The following HTR1F variants were observed in gnomAD, a reference collection of about 807,000 sequenced individuals.
The protein encoded by HTR1F is 5-hydroxytryptamine (serotonin) receptor 1F, G protein-coupled.
A neutral mutation model predicts 24.0 loss-of-function variants in HTR1F; 17 were observed. The observed-to-expected ratio is 0.71, with a 90% CI of 0.48 to 1.06. The LOEUF (loss-of-function observed/expected upper bound fraction) is 1.06. Among genes scored for constraint, HTR1F ranks in the 50% least tolerant of loss-of-function variants. HTR1F has a pLI of 0.00. For missense variants in HTR1F, 391 were observed against 427.8 expected, an observed-to-expected ratio of 0.91 and a Z score of 0.76; for synonymous variants, 186 against 156.8, an observed-to-expected ratio of 1.19 and a Z score of -1.39.
intron 2 of HTR1F, among the ~76,000 whole-genome samples, chr3:87,878,361 TA>T (rs1559615918): frequency 1.3e-5 from 2 of 151,822 alleles, no homozygotes; most frequent in African/African-American, 4.9e-5. Context: ...ACCCAGGAAG[TA>T]AATGCTAAAT....
rs185978165 is a variant in HTR1F at position 87,845,044 on chromosome 3, A to T, written c.-43+22920A>T. ...ACAAAATTCAACAACCTTTCATGCT[A>T]AAAACTCTCAATAAATTAGGTATTG... On this transcript the variant is annotated intron_variant, in intron 2 of 2. Transcript: ENST00000319595. 3.3e-4 allele frequency among the ~76,000 whole-genome samples: 50 copies of T among 151,908 alleles called. No homozygotes were observed. In the East Asian group the frequency reaches 8.9e-3, roughly 27 times the overall value.
At chr3:87,854,781 G>A (rs1175939542) in intron 2 of HTR1F, among the ~76,000 whole-genome samples, 1 of 151,994 alleles carries the variant, frequency 6.6e-6, no homozygotes, top group East Asian at 1.9e-4. Context: ...TTTGTGGTTC[G>A]AGACATTCTT....
At chr3:87,875,347 G>C (rs1227188033) in intron 2 of HTR1F, among the ~76,000 whole-genome samples, 3 of 151,990 alleles carry the variant, frequency 2.0e-5, no homozygotes, top group Non-Finnish European at 4.4e-5. Context: ...CTACTCAGAG[G>C]CTGAGGCAGC....
intron 2 of HTR1F, among the ~76,000 whole-genome samples, chr3:87,980,452 G>GTTTT (rs1332283917): frequency 6.6e-6 from 1 of 152,180 alleles, no homozygotes; most frequent in African/African-American, 2.4e-5. Flanking sequence ...ATGGGCTTCA[G>GTTTT]AAGGGAGGAA....
At position 87,988,735 on chromosome 3, in the gene HTR1F, A is replaced by AT. The variant is rs533969918; in HGVS notation, c.-42-1958dup. On this transcript the variant is annotated intron_variant, in intron 2 of 2. Transcript: ENST00000319595. Reference sequence around the variant, plus strand: ...AGGCGTGTGCCACCAAGCCCCAATAATTTTTTTTTTTTTTTGTATTTTTAG... The same window carrying AT: ...AGGCGTGTGCCACCAAGCCCCAATAATTTTTTTTTTTTTTTTGTATTTTTAG... Among the ~76,000 whole-genome samples the AT allele has an allele frequency of 5.2e-3, 743 of 142,068 alleles. 5 individuals carry two copies. Among genetic ancestry groups the AT allele is most frequent in the South Asian group, 0.02 (89 of 4,490 alleles). 93.2% of individuals were successfully genotyped at this position (142,068 alleles called of 152,430 possible). A position where few individuals can be genotyped will look rare whatever the true frequency, so the allele number is the denominator to read the frequency against.
chr3:87,955,921 AGATCTGTATAT>A (rs980917502), intron 2 of HTR1F, among the ~76,000 whole-genome samples: 2 of 151,466 alleles, frequency 1.3e-5, no homozygotes, highest in Admixed American at 6.6e-5. Flanking sequence ...AACTTATAAG[AGATCTGTATAT>A]GGTCTGGATA....
intron 2 of HTR1F, among the ~76,000 whole-genome samples, chr3:87,872,603 G>A (rs879725001): frequency 6.6e-6 from 1 of 151,804 alleles, no homozygotes; most frequent in African/African-American, 2.4e-5. Flanking sequence ...AAAAATGAAA[G>A]AGGAGACACT....
In HTR1F at chr3:87,827,671, A is replaced by G. The variant is rs183813389; in HGVS notation, c.-43+5547A>G. 3.3e-5 allele frequency among the ~76,000 whole-genome samples: 5 copies of G among 152,368 alleles called. No individual in the cohort carries two copies. The East Asian group carries it at 5.8e-4, about 18-fold the overall frequency. ...TTGTAAATAAATGAATTGGAAAGCA[A>G]TGAAGCAAAATTTAACAACCTTCAA... On this transcript the variant is annotated intron_variant, in intron 2 of 2. Transcript: ENST00000319595.
At chr3:87,894,012 CT>C (rs112398757) in intron 2 of HTR1F, among the ~76,000 whole-genome samples, 14 of 147,702 alleles carry the variant, frequency 9.5e-5, no homozygotes, top group Admixed American at 2.0e-4. Flanking sequence ...TTTTATTTTT[CT>C]TTTTTTTTTA....
chr3:87,844,876 C>G (rs1299910671), intron 2 of HTR1F, among the ~76,000 whole-genome samples: 7 of 151,296 alleles, frequency 4.6e-5, no homozygotes, highest in South Asian at 4.2e-4. Context: ...CTGTTCTGTT[C>G]CATTGATCTA....
rs868691003 is a variant in HTR1F, at chr3:87,844,725, C to T, written c.-43+22601C>T. The stretch of plus-strand genomic sequence containing the variant: ...TTTGTATAAGGTGTAAGGAAGGGAT[C>T]CAGTTTCAGCTTTCTACATATGGCT... On this transcript the variant is annotated intron_variant, in intron 2 of 2. Coordinates refer to ENST00000319595, the MANE Select transcript of HTR1F (RefSeq NM_001322209.2). Among the ~76,000 whole-genome samples the T allele has an allele frequency of 8.3e-4, 119 of 142,828 alleles. 1 individual carries two copies. The highest frequency in any genetic ancestry group is 1.3e-3 in the Non-Finnish European group (85 of 66,740). 93.7% of individuals were successfully genotyped at this position (142,828 alleles called of 152,430 possible).
intron 1 of HTR1F, among the ~76,000 whole-genome samples, chr3:87,801,621 T>G (rs1575884469): frequency 6.6e-6 from 1 of 152,244 alleles, no homozygotes; most frequent in East Asian, 1.9e-4. Flanking sequence ...AGATCACAGA[T>G]AGGTGAGACA....
At chr3:87,842,494 A>G (rs1027548680) in intron 2 of HTR1F, among the ~76,000 whole-genome samples, 3 of 151,976 alleles carry the variant, frequency 2.0e-5, no homozygotes, top group African/African-American at 7.3e-5. Context: ...GACTCAACAC[A>G]TTGAGATGAG....
At chr3:87,904,502 A>G (rs1703614003) in intron 2 of HTR1F, among the ~76,000 whole-genome samples, 1 of 152,134 alleles carries the variant, frequency 6.6e-6, no homozygotes, top group Admixed American at 6.6e-5. Context: ...AAAATGAATA[A>G]ATAAACTGTG....
intron 2 of HTR1F, among the ~76,000 whole-genome samples, chr3:87,912,218 A>T (rs1443291510): frequency 6.6e-6 from 1 of 152,120 alleles, no homozygotes; most frequent in African/African-American, 2.4e-5. Context: ...AAACTTTAGC[A>T]AAATTTCATG....
At chr3:87,868,712 A>C (rs1464699843) in intron 2 of HTR1F, among the ~76,000 whole-genome samples, 1 of 151,970 alleles carries the variant, frequency 6.6e-6, no homozygotes, top group African/African-American at 2.4e-5. Context: ...GCCTGTGTCT[A>C]TAATGCAAAC....
intron 1 of HTR1F, among the ~76,000 whole-genome samples, chr3:87,799,775 T>G (rs1477500995): frequency 6.6e-6 from 1 of 152,164 alleles, no homozygotes; most frequent in Admixed American, 6.5e-5. Flanking sequence ...TCCCCTCTCT[T>G]CTGCATATCT....
Position 87,947,078 on chromosome 3 carries a change from G to A in HTR1F, c.-42-43630G>A, listed in dbSNP as rs138561183. The stretch of plus-strand genomic sequence containing the variant: ...ATAAATTTTGCCTTTCTTTTCAAGT[G>A]TGTCTTTCAATGAGTATCTTTGAAT... On this transcript the variant is annotated intron_variant, in intron 2 of 2. Transcript: ENST00000319595. Among the ~76,000 whole-genome samples, 167 of 152,282 alleles carry A rather than the reference G, an allele frequency of 1.1e-3. 2 individuals carry two copies. The highest frequency in any genetic ancestry group is 9.6e-4 in the East Asian group (5 of 5,186).
chr3:87,974,978 C>T (rs529493361), intron 2 of HTR1F, among the ~76,000 whole-genome samples: 9 of 152,234 alleles, frequency 5.9e-5, no homozygotes, highest in African/African-American at 1.9e-4. Flanking sequence ...TATATAAATC[C>T]ATCATCCTTT....
Sources: allele counts gnomAD v4.1 joint callset (sites outside exome capture counted in the v4.1 genomes callset), GRCh38; gene constraint gnomAD v4.1.1; transcripts MANE v1.5; gene names NCBI Gene and HGNC (gene_info 2026-07-23, HGNC 2026-07-21).